PDE4D: variants seen among roughly 807,000 people sequenced by gnomAD.
PDE4D encodes the protein phosphodiesterase 4D, also known as 3',5'-cyclic-AMP phosphodiesterase 4D.
PDE4D carries 24 observed loss-of-function variants against 87.4 expected under a neutral mutation model. That is an observed-to-expected ratio of 0.27 (90% CI 0.20 to 0.39). The LOEUF (loss-of-function observed/expected upper bound fraction) is 0.39. PDE4D is among the 10% of genes least tolerant of loss of function. The pLI is 1.00. For synonymous variants in PDE4D, 384 were observed against 383.2 expected, an observed-to-expected ratio of 1.00 and a Z score of -0.02; for missense variants, 714 against 1,041.0, an observed-to-expected ratio of 0.69 and a Z score of 4.32.
chr5:60,082,684 AG>A (rs1385087043), intron 2 of PDE4D, among the ~76,000 whole-genome samples: 3 of 152,214 alleles, frequency 2.0e-5, no homozygotes, highest in Non-Finnish European at 4.4e-5. Flanking sequence ...CAAGGGAGCC[AG>A]GAAGTGCAAT....
chr5:59,050,134 G>A (rs1001346698), intron 5 of PDE4D, among the ~76,000 whole-genome samples: 12 of 152,284 alleles, frequency 7.9e-5, no homozygotes, highest in African/African-American at 2.9e-4. Context: ...ACGCATGGTG[G>A]CGGGTGCCTG....
chr5:59,037,377 T>C (rs1758707510), intron 6 of PDE4D, among the ~76,000 whole-genome samples: 1 of 152,232 alleles, frequency 6.6e-6, no homozygotes. Flanking sequence ...CATGGCAAAG[T>C]GCTCCCATTT....
chr5:59,875,972 G>A (rs1341356273), intron 1 of PDE4D, among the ~76,000 whole-genome samples: 1 of 152,156 alleles, frequency 6.6e-6, no homozygotes, highest in Non-Finnish European at 1.5e-5. Flanking sequence ...GCTGGAGGGT[G>A]GGAGGAGGGA....
chr5:59,176,546 ACT>A (rs1416822596), intron 5 of PDE4D, among the ~76,000 whole-genome samples: 2 of 149,512 alleles, frequency 1.3e-5, no homozygotes, highest in African/African-American at 2.4e-5. Flanking sequence ...TAAGAGCAAA[ACT>A]CTATCTCAAG....
intron 1 of PDE4D, among the ~76,000 whole-genome samples, chr5:59,455,961 CCCCCATT>C (rs575770603): frequency 8.5e-5 from 13 of 152,290 alleles, no homozygotes; most frequent in Non-Finnish European, 1.0e-4. Context: ...AATGCCTGTA[CCCCCATT>C]GTATCTAGGA....
intron 2 of PDE4D, among the ~76,000 whole-genome samples, chr5:60,054,554 T>C (rs985775061): frequency 6.6e-6 from 1 of 151,910 alleles, no homozygotes. Flanking sequence ...AGGGGAGGGA[T>C]AGCATTAGGA....
At chr5:59,482,465 C>T (rs531646251) in intron 1 of PDE4D, among the ~76,000 whole-genome samples, 4 of 152,208 alleles carry the variant, frequency 2.6e-5, no homozygotes, top group Admixed American at 6.6e-5. Flanking sequence ...TTTTGCAATG[C>T]TATTTCAGAT....
At chr5:60,071,044 A>AT (rs1041085025) in intron 2 of PDE4D, among the ~76,000 whole-genome samples, 2 of 151,126 alleles carry the variant, frequency 1.3e-5, no homozygotes, top group Non-Finnish European at 3.0e-5. Flanking sequence ...TTCATTTCTG[A>AT]TTTTTTTATT....
At chr5:59,671,421 G>T (rs147593357) in intron 1 of PDE4D, among the ~76,000 whole-genome samples, 3 of 152,124 alleles carry the variant, frequency 2.0e-5, no homozygotes, top group Admixed American at 6.5e-5. Context: ...AAAATACAAA[G>T]TATCATATAG....
intron 1 of PDE4D, among the ~76,000 whole-genome samples, chr5:59,281,538 T>A (rs1159376772): frequency 1.3e-5 from 2 of 152,192 alleles, no homozygotes. Flanking sequence ...AAATATTAAG[T>A]ATTTTTTATT....
chr5:59,185,725 C>T (rs575954316), intron 3 of PDE4D, among the ~76,000 whole-genome samples: 2 of 152,272 alleles, frequency 1.3e-5, no homozygotes, highest in South Asian at 4.1e-4. Context: ...TGTTTTTCTA[C>T]CTTTGCCACA....
At chr5:59,125,474 G>A (rs1218761899) in intron 5 of PDE4D, among the ~76,000 whole-genome samples, 1 of 152,242 alleles carries the variant, frequency 6.6e-6, no homozygotes, top group South Asian at 2.1e-4. Flanking sequence ...AGTGTGCAGT[G>A]AACCTGAGCC....
intron 1 of PDE4D, among the ~76,000 whole-genome samples, 154 bp from the exon 2 acceptor site, chr5:59,216,122 T>C (rs1408395647): frequency 6.6e-6 from 1 of 152,128 alleles, no homozygotes; most frequent in Non-Finnish European, 1.5e-5. Context: ...AATATTGAAA[T>C]ACATAAAAGA....
chr5:59,616,883 GT>G (rs1330967294), intron 1 of PDE4D, among the ~76,000 whole-genome samples: 2 of 123,828 alleles, frequency 1.6e-5, no homozygotes, highest in Non-Finnish European at 3.3e-5. Flanking sequence ...ATAGTGAAGG[GT>G]TTAACTTTGT....
At chr5:59,673,730 A>G (rs1747604776) in intron 1 of PDE4D, among the ~76,000 whole-genome samples, 1 of 152,226 alleles carries the variant, frequency 6.6e-6, no homozygotes, top group Admixed American at 6.5e-5. Context: ...GAATTGAAAG[A>G]AGAGAAATAG....
At chr5:60,390,253 TG>T (rs1762472906) in intron 1 of PDE4D, among the ~76,000 whole-genome samples, 1 of 152,164 alleles carries the variant, frequency 6.6e-6, no homozygotes, top group Non-Finnish European at 1.5e-5. Context: ...GGGATAGTGG[TG>T]GTGACTTCTG....
At chr5:60,243,890 G>A (rs1182286150) in intron 1 of PDE4D, among the ~76,000 whole-genome samples, 1 of 151,812 alleles carries the variant, frequency 6.6e-6, no homozygotes, top group African/African-American at 2.4e-5. Flanking sequence ...CTAAGATCAG[G>A]AACATGATAA....
intron 1 of PDE4D, among the ~76,000 whole-genome samples, chr5:59,878,887 G>GTTTTTTTT (rs70975345): frequency 4.2e-5 from 3 of 71,754 alleles, no homozygotes; most frequent in African/African-American, 1.5e-4. Flanking sequence ...ACCGAAGTAA[G>GTTTTTTTT]TTTTTTTTTT....
intron 1 of PDE4D, among the ~76,000 whole-genome samples, chr5:59,444,719 G>A (rs1433177719): frequency 6.6e-6 from 1 of 152,136 alleles, no homozygotes; most frequent in Admixed American, 6.5e-5. Context: ...GGCTGAGGCA[G>A]GAGAATGGCA....
Sources: gnomAD v4.1 joint callset for allele counts (sites outside exome capture counted in the v4.1 genomes callset) on GRCh38, gnomAD v4.1.1 for gene constraint, MANE v1.5 for transcripts, NCBI Gene and HGNC (gene_info 2026-07-23, HGNC 2026-07-21) for gene names.